Variants in DAOA observed in about 807,000 individuals in gnomAD.
The protein encoded by DAOA is D-amino acid oxidase activator, also known as D-amino acid oxidase regulator.
DAOA carries 15 observed loss-of-function variants against 16.4 expected under a neutral mutation model. The ratio of observed to expected loss-of-function variants is 0.91; its 90% CI spans 0.61 to 1.41. DAOA has a LOEUF of 1.41. Among genes scored for constraint, DAOA ranks in the 40% most tolerant of loss-of-function variants. The pLI is 0.00. For synonymous variants in DAOA, 75 were observed against 59.1 expected (o/e 1.27, Z -1.23); for missense variants, 230 against 176.8 (o/e 1.30, Z -1.71).
chr13:105,487,397 T>C (rs947266), intron 4 of DAOA, among the ~76,000 whole-genome samples: 2,564 of 152,256 alleles, frequency 0.017, 71 homozygotes, highest in African/African-American at 0.058. Flanking sequence ...TTATCCTGTA[T>C]CTTTATAAGA....
intron 4 of DAOA, among the ~76,000 whole-genome samples, chr13:105,476,556 G>A (rs1458044076): frequency 4.7e-5 from 7 of 150,200 alleles, no homozygotes; most frequent in Non-Finnish European, 1.0e-4. Context: ...AGGTCCACAG[G>A]CCTAATTCTC....
chr13:105,488,055 G>A (rs1464316629), intron 4 of DAOA, among the ~76,000 whole-genome samples: 1 of 152,082 alleles, frequency 6.6e-6, no homozygotes, highest in Non-Finnish European at 1.5e-5. Flanking sequence ...TAAAAGCACG[G>A]GAACTTATCA....
rs139441931 is a variant in DAOA at position 105,473,784 on chromosome 13, G to A, written c.281+1099G>A. Among the ~76,000 whole-genome samples the A allele has an allele frequency of 2.4e-3, 366 of 152,156 alleles. 1 individual carries two copies. Among genetic ancestry groups the A allele is most frequent in the African/African-American group, 8.5e-3 (355 of 41,538 alleles). The stretch of plus-strand genomic sequence containing the variant: ...GTGTGAAGCAAAGTTAAATTTAGAC[G>A]TGTTCTATAAGAGGTTATTTCTACT... On this transcript the variant is annotated intron_variant, in intron 4 of 5. Coordinates refer to ENST00000375936, the MANE Select transcript of DAOA (RefSeq NM_172370.5).
rs544643693 is a variant in DAOA, at chr13:105,476,174, C to G, written c.281+3489C>G. ...CATTTTAACTCACGATGTGGGAAAA[C>G]CAATGAGAGAAGAAAAAAGAAATTC... On this transcript the variant is annotated intron_variant, in intron 4 of 5. Transcript: ENST00000375936. 2.6e-5 allele frequency among the ~76,000 whole-genome samples: 4 copies of G among 152,020 alleles called. No individual in the cohort carries two copies. In the East Asian group the frequency reaches 7.7e-4, roughly 29 times the overall value.
In DAOA at chr13:105,476,848, G is replaced by A. The variant is rs984188253; in HGVS notation, c.281+4163G>A. ...CCAGGCTCCCATTGATTGGTGTCAAGCACAGTTCCTTCACCCCCTACAGAG... is the reference window on the plus strand; with the variant it reads ...CCAGGCTCCCATTGATTGGTGTCAAACACAGTTCCTTCACCCCCTACAGAG... On this transcript the variant is annotated intron_variant, in intron 4 of 5. Transcript: ENST00000375936. 2.0e-5 allele frequency among the ~76,000 whole-genome samples: 3 copies of A among 152,086 alleles called. 1 individual carries two copies. In the South Asian group the frequency reaches 6.2e-4, roughly 32 times the overall value.
At chr13:105,476,658 T>G (rs1048964782) in intron 4 of DAOA, among the ~76,000 whole-genome samples, 4 of 152,016 alleles carry the variant, frequency 2.6e-5, no homozygotes, top group African/African-American at 9.7e-5. Context: ...ATTCTAAATC[T>G]GATGAATGGC....
Position 105,467,196 on chromosome 13 carries a change from A to G in DAOA, c.133+55A>G. 3 of 1,498,516 alleles carry G rather than the reference A, an allele frequency of 2.0e-6. No individual in the cohort carries two copies. The South Asian group carries it at 3.8e-5, about 19-fold the overall frequency. The allele number at this position is 1,498,516 out of a possible 1,614,324, so 92.8% of individuals were successfully genotyped here. ...TAAATTCTTCTAGAAGTTAGATAAA[A>G]CTGTGGTAAAGCTACATAATACTTT... On this transcript the variant is annotated intron_variant, in intron 3 of 5. Coordinates refer to ENST00000375936, the MANE Select transcript of DAOA (RefSeq NM_172370.5).
intron 4 of DAOA, chr13:105,475,116 A>C (rs1033071791): frequency 1.1e-6 from 1 of 889,514 alleles, no homozygotes; most frequent in Non-Finnish European, 1.3e-6. Context: ...AGAAAGCAGA[A>C]GTGAAGTCAG....
At chr13:105,490,267 A>C (rs2139211646) in intron 5 of DAOA, 75 bp downstream of exon 5, 1 of 747,190 alleles carries the variant, frequency 1.3e-6, no homozygotes. Context: ...TATTTTTATG[A>C]AGATTTGTTA....
chr13:105,482,168 G>T (rs80210669), intron 4 of DAOA, among the ~76,000 whole-genome samples: 5,647 of 152,210 alleles, frequency 0.037, 139 homozygotes, highest in South Asian at 0.064. Context: ...CCCATGATAC[G>T]TGGGATTGTG....
intron 4 of DAOA, among the ~76,000 whole-genome samples, chr13:105,483,178 T>A (rs573025754): frequency 6.6e-6 from 1 of 152,318 alleles, no homozygotes; most frequent in African/African-American, 2.4e-5. Context: ...TTTTACTCAG[T>A]ATAATTATTT....
intron 3 of DAOA, 95 bp downstream of exon 3, chr13:105,467,236 G>T: frequency 7.6e-7 from 1 of 1,308,668 alleles, no homozygotes; most frequent in Non-Finnish European, 1.0e-6. Flanking sequence ...ATATTTTCAA[G>T]CGTAGACAAA....
chr13:105,472,801 C>T, intron 4 of DAOA, 116 bp downstream of exon 4: 1 of 852,252 alleles, frequency 1.2e-6, no homozygotes. Flanking sequence ...TCATGTTGAA[C>T]TTTTATCTAG....
intron 4 of DAOA, among the ~76,000 whole-genome samples, chr13:105,488,103 G>C (rs915013291): frequency 1.3e-5 from 2 of 152,108 alleles, no homozygotes; most frequent in African/African-American, 4.8e-5. Flanking sequence ...AGCTAACAGA[G>C]GTACTTCTAA....
At chr13:105,490,690 T>G (rs983420599) in intron 5 of DAOA, 1 of 152,130 alleles carries the variant, frequency 6.6e-6, no homozygotes, top group Non-Finnish European at 1.5e-5. Context: ...AAATATGTAT[T>G]TCTTATGTCC....
At chr13:105,490,580 T>C (rs1163925799) in intron 5 of DAOA, 1 of 152,208 alleles carries the variant, frequency 6.6e-6, no homozygotes, top group Non-Finnish European at 1.5e-5. Context: ...ATCAATACTA[T>C]TGATGGACCC....
Position 105,466,263 on chromosome 13 carries a change from C to T in DAOA, c.-26C>T, listed in dbSNP as rs45476401. ...AGGTCTCATCTCTGCTTCACAATGC[C>T]GATGATTTAGCTGGGAGGACCCAAA... On this transcript the variant is annotated 5_prime_UTR_variant, in exon 2 of 6. It introduces an in-frame stop codon into an upstream open reading frame of the 5' UTR. Coordinates refer to ENST00000375936, the MANE Select transcript of DAOA (RefSeq NM_172370.5). 76,746 of 1,613,692 alleles carry T rather than the reference C, an allele frequency of 0.048. 1,977 individuals are homozygous for T. The highest frequency in any genetic ancestry group is 0.06 in the East Asian group (2,699 of 44,850).
intron 3 of DAOA, 43 bp from the exon 4 acceptor site, chr13:105,472,495 T>C (rs1318607790): frequency 6.3e-7 from 1 of 1,579,394 alleles, no homozygotes; most frequent in African/African-American, 1.4e-5. Context: ...AAAGATGTGA[T>C]AGAGTTAATA....
chr13:105,465,879 C>T (rs1399710739), upstream of DAOA: 2 of 158,178 alleles, frequency 1.3e-5, no homozygotes, highest in East Asian at 3.7e-4. Context: ...AAACTTCTTT[C>T]ATTTAAAGAA....
Sources: allele counts gnomAD v4.1 joint callset (sites outside exome capture counted in the v4.1 genomes callset), GRCh38; gene constraint gnomAD v4.1.1; transcripts MANE v1.5; gene names NCBI Gene and HGNC (gene_info 2026-07-23, HGNC 2026-07-21).